SMURF2: variants seen among roughly 807,000 people sequenced by gnomAD.
The protein encoded by SMURF2 is E3 ubiquitin-protein ligase SMURF2.
A neutral mutation model predicts 109.6 loss-of-function variants in SMURF2; 48 were observed. The observed-to-expected ratio is 0.44, with a 90% CI of 0.35 to 0.56. The LOEUF (loss-of-function observed/expected upper bound fraction) is 0.56, where lower values mean the gene tolerates loss of function less well. Ranked by LOEUF, SMURF2 falls within the 20% of genes least tolerant of loss-of-function variation. The pLI is 0.01. For synonymous variants in SMURF2, 288 were observed against 317.1 expected (o/e 0.91, Z 0.97); for missense variants, 575 against 909.0 (o/e 0.63, Z 4.72).
In SMURF2 at chr17:64,545,820, A is replaced by G. The variant is rs1555683048; in HGVS notation, c.*28T>C. 7.5e-7 allele frequency: 1 copy of G among 1,339,760 alleles called. No homozygotes were observed. Among genetic ancestry groups the G allele is most frequent in the Non-Finnish European group, 1.1e-6 (1 of 932,766 alleles). 83.0% of individuals were successfully genotyped at this position (1,339,760 alleles called of 1,614,324 possible). ...GGCTGTCAGTCAGGGTTGTATAAAT[A>G]GAGTCCTGGGTAAATCCTTGAAGCT... On this transcript the variant is annotated 3_prime_UTR_variant, in exon 19 of 19. Transcript: ENST00000262435.
At chr17:64,566,561 G>GTTTTTTTTTTTT (rs1164717270) in intron 10 of SMURF2, among the ~76,000 whole-genome samples, 1,213 of 43,738 alleles carry the variant, frequency 0.028, 368 homozygotes, top group South Asian at 0.039. Flanking sequence ...AAGCTTTCTG[G>GTTTTTTTTTTTT]TTTTTTTTTT....
chr17:64,627,197 C>T (rs887231889), intron 1 of SMURF2, among the ~76,000 whole-genome samples: 7 of 149,474 alleles, frequency 4.7e-5, no homozygotes, highest in African/African-American at 1.7e-4. Context: ...TCACTGCAAC[C>T]TCCACCTCCC....
chr17:64,546,375 G>A, intron 17 of SMURF2, 37 bp from the exon 18 acceptor site: 2 of 1,582,736 alleles, frequency 1.3e-6, no homozygotes, highest in Non-Finnish European at 1.7e-6. Flanking sequence ...ATCACTGCAG[G>A]TGCGTGCATT....
Position 64,637,420 on chromosome 17 carries a change from C to T in SMURF2, c.52+24409G>A, listed in dbSNP as rs1970431670. Among the ~76,000 whole-genome samples, 4 of 152,110 alleles carry T rather than the reference C, an allele frequency of 2.6e-5. No individual in the cohort carries two copies. The South Asian group carries it at 8.3e-4, about 32-fold the overall frequency. ...GGATTACAGGTGTGAGCCACCACAC[C>T]CAGCCATCCATCTAAGAGTCTTATG... On this transcript the variant is annotated intron_variant, in intron 1 of 18. Transcript: ENST00000262435.
At chr17:64,661,567 T>G (rs1598322972) in intron 1 of SMURF2, among the ~76,000 whole-genome samples, 2 of 152,084 alleles carry the variant, frequency 1.3e-5, no homozygotes, top group Admixed American at 1.3e-4. Flanking sequence ...CTTTCCGACC[T>G]GAAATCCGCC....
rs1555687871 is a variant in SMURF2 at position 64,593,591 on chromosome 17, T to C, written c.201-18A>G. The C allele has an allele frequency of 6.6e-7, 1 of 1,504,130 alleles. No homozygotes were observed. The highest frequency in any genetic ancestry group is 8.9e-7 in the Non-Finnish European group (1 of 1,118,014). 93.2% of individuals were successfully genotyped at this position (1,504,130 alleles called of 1,614,324 possible). On this transcript the variant is annotated intron_variant, in intron 3 of 18. Transcript: ENST00000262435. ...CAATATACCTAAAAAACAAAACGGCTGCATGAGTAACTTGGTAGTTACAGG... is the reference window on the plus strand; with the variant it reads ...CAATATACCTAAAAAACAAAACGGCCGCATGAGTAACTTGGTAGTTACAGG...
chr17:64,627,849 T>C (rs1387881566), intron 1 of SMURF2, among the ~76,000 whole-genome samples: 3 of 152,218 alleles, frequency 2.0e-5, no homozygotes, highest in Non-Finnish European at 4.4e-5. Flanking sequence ...TTTTCTAATA[T>C]GGAAAAGGAC....
intron 1 of SMURF2, among the ~76,000 whole-genome samples, chr17:64,607,243 T>C (rs1398951297): frequency 1.3e-5 from 2 of 152,116 alleles, no homozygotes; most frequent in Admixed American, 1.3e-4. Flanking sequence ...CAAATCCACA[T>C]TTTCCAAGTT....
At chr17:64,636,156 T>A (rs1463258836) in intron 1 of SMURF2, among the ~76,000 whole-genome samples, 2 of 152,216 alleles carry the variant, frequency 1.3e-5, no homozygotes, top group African/African-American at 4.8e-5. Flanking sequence ...CCCTTTTTTT[T>A]GAAATGTGGT....
chr17:64,578,454 C>T (rs1555686249), intron 9 of SMURF2, 38 bp downstream of exon 9: 2 of 1,342,404 alleles, frequency 1.5e-6, no homozygotes, highest in African/African-American at 1.5e-5. Flanking sequence ...TGAAATGGCT[C>T]TTTGATGGTC....
chr17:64,557,630 T>C lies in SMURF2; in HGVS notation c.1409A>G (p.Asn470Ser), dbSNP rs782530682. 5.0e-6 allele frequency: 8 copies of C among 1,604,636 alleles called. No homozygotes were observed. Among genetic ancestry groups the C allele is most frequent in the Non-Finnish European group, 6.8e-6 (8 of 1,173,086 alleles). The change falls in exon 13 of 19, where the codon AAT becomes AGT. Residue 470 changes from asparagine (N) to serine (S), a missense_variant. By Grantham distance (46) the Asn-to-Ser change is conservative (BLOSUM62 1). Transcript: ENST00000262435. Reference sequence around the variant, plus strand: ...TACCGGATTAACTGCAGAATCAGGATTGATCTGCAATGTATAAATATCATC... The same window carrying C: ...TACCGGATTAACTGCAGAATCAGGACTGATCTGCAATGTATAAATATCATC... ...SRDDIYTLQI[N>S]PDSAVNPEHL...
intron 2 of SMURF2, among the ~76,000 whole-genome samples, chr17:64,605,029 T>C (rs1969950049): frequency 6.6e-6 from 1 of 151,356 alleles, no homozygotes; most frequent in Non-Finnish European, 1.5e-5. Flanking sequence ...AGCCCACTAG[T>C]ATAAATCCTA....
At position 64,543,134 on chromosome 17, in the gene SMURF2, A is replaced by G. The variant is rs1484230876; in HGVS notation, c.*2714T>C. On this transcript the variant is annotated 3_prime_UTR_variant, in exon 19 of 19. Coordinates refer to ENST00000262435, the MANE Select transcript of SMURF2 (RefSeq NM_022739.4). ...CACATTAAACATGAGGTGCAAGTCC[A>G]TGGTTCAATAATACATTGGGGGTTT... 1 of 152,248 alleles carries G rather than the reference A, an allele frequency of 6.6e-6. No individual in the cohort carries two copies. The highest frequency in any genetic ancestry group is 1.5e-5 in the Non-Finnish European group (1 of 68,038). The allele number at this position is 152,248 out of a possible 1,614,324, so 9.4% of individuals were successfully genotyped here.
chr17:64,586,545 G>A (rs577281747), intron 5 of SMURF2, among the ~76,000 whole-genome samples: 65 of 151,414 alleles, frequency 4.3e-4, no homozygotes, highest in South Asian at 1.0e-3. Flanking sequence ...TCAGGAGATC[G>A]AGACCATCCT....
chr17:64,626,306 G>T (rs1416506810), intron 1 of SMURF2, among the ~76,000 whole-genome samples: 2 of 150,994 alleles, frequency 1.3e-5, no homozygotes, highest in African/African-American at 4.9e-5. Context: ...TATTCATGAA[G>T]GGTCATACAT....
At chr17:64,557,468 A>C (rs1969138687) in intron 13 of SMURF2, 140 bp downstream of exon 13, 1 of 621,408 alleles carries the variant, frequency 1.6e-6, no homozygotes, top group Non-Finnish European at 2.8e-6. Context: ...CTGCTTGGGA[A>C]AATTTTATAG....
chr17:64,571,116 G>C (rs1425137623), intron 10 of SMURF2, among the ~76,000 whole-genome samples: 2 of 152,074 alleles, frequency 1.3e-5, no homozygotes, highest in Non-Finnish European at 2.9e-5. Context: ...AACAATGCTT[G>C]TCACACAGTA....
chr17:64,571,729 T>G, intron 10 of SMURF2, 69 bp downstream of exon 10: 1 of 1,437,334 alleles, frequency 7.0e-7, no homozygotes, highest in South Asian at 1.4e-5. Context: ...TCACATTTAT[T>G]ATTAAAAGCA....
chr17:64,601,354 A>G (rs1969893192), intron 2 of SMURF2, among the ~76,000 whole-genome samples: 1 of 152,194 alleles, frequency 6.6e-6, no homozygotes, highest in African/African-American at 2.4e-5. Context: ...AGAAAAAATC[A>G]AACAATCCCA....
Sources: allele counts gnomAD v4.1 joint callset (sites outside exome capture counted in the v4.1 genomes callset), GRCh38; gene constraint gnomAD v4.1.1; transcripts MANE v1.5; gene names NCBI Gene and HGNC (gene_info 2026-07-23, HGNC 2026-07-21).